The following ZNF85 variants were observed in gnomAD, a reference collection of about 807,000 sequenced individuals.
ZNF85 encodes the protein zinc finger protein 85 (HPF4, HTF1).
In ZNF85, 50 loss-of-function variants were observed where a neutral mutation model predicts 53.9. The ratio of observed to expected loss-of-function variants is 0.93; its 90% confidence interval spans 0.74 to 1.17. The LOEUF (loss-of-function observed/expected upper bound fraction) is 1.17. Among genes scored for constraint, ZNF85 ranks in the 50% most tolerant of loss-of-function variants. The probability of loss-of-function intolerance (pLI) is 0.00; values close to 1 mark genes in which losing one functional copy is unlikely to be tolerated. For synonymous variants in ZNF85, 225 were observed against 226.1 expected (o/e 1.00, Z 0.04); for missense variants, 747 against 688.5 (o/e 1.08, Z -0.95).
At chr19:20,943,102 T>A (rs1255604316) in intron 3 of ZNF85, 1 of 410,544 alleles carries the variant, frequency 2.4e-6, no homozygotes, top group African/African-American at 2.1e-5. Flanking sequence ...ATAAGATTTG[T>A]TATGTGTCCT....
chr19:20,933,902 C>A, intron 1 of ZNF85, 122 bp from the exon 2 acceptor site: 1 of 1,102,472 alleles, frequency 9.1e-7, no homozygotes, highest in South Asian at 2.2e-5. Flanking sequence ...TACCTGTACT[C>A]TCTCATTTCA....
chr19:20,931,930 A>C (rs369673253), intron 1 of ZNF85, among the ~76,000 whole-genome samples: 6 of 152,210 alleles, frequency 3.9e-5, no homozygotes, highest in African/African-American at 1.4e-4. Flanking sequence ...TCATTATTGT[A>C]GCAGAAATTG....
chr19:20,936,330 A>G (rs1417094758), intron 3 of ZNF85, among the ~76,000 whole-genome samples: 1 of 152,238 alleles, frequency 6.6e-6, no homozygotes, highest in African/African-American at 2.4e-5. Context: ...TTCCAGTGCT[A>G]TATTAAAATA....
At chr19:20,945,352 A>G (rs1354854497) in intron 3 of ZNF85, 4 of 152,200 alleles carry the variant, frequency 2.6e-5, no homozygotes, top group Non-Finnish European at 4.4e-5. Context: ...AACTGCTTTA[A>G]ATATCCTATA....
At chr19:20,942,869 G>C (rs771600349) in intron 3 of ZNF85, 1 of 695,430 alleles carries the variant, frequency 1.4e-6, no homozygotes, top group Non-Finnish European at 2.6e-6. Context: ...TCAACCTTCT[G>C]GGGTCAAGTG....
At chr19:20,932,815 G>A (rs1973055181) in intron 1 of ZNF85, among the ~76,000 whole-genome samples, 1 of 151,990 alleles carries the variant, frequency 6.6e-6, no homozygotes, top group East Asian at 1.9e-4. Flanking sequence ...ATTTTTTAAT[G>A]TTAAAATTCA....
rs760362642 is a variant in ZNF85, at chr19:20,949,943, A to C, written c.1429A>C (p.Thr477Pro). Residue 477 changes from threonine to proline, a missense_variant, in exon 4 of 4, where the codon ACA becomes CCA. By Grantham distance (38) the Thr-to-Pro change is conservative. Coordinates refer to ENST00000328178, the MANE Select transcript of ZNF85 (RefSeq NM_003429.5). The stretch of plus-strand genomic sequence containing the variant: ...TCTTACTAGACATAAGAAAAGTCAT[A>C]CAGAAGAGAAACCTTACAAATGTGA... The part of the protein sequence containing the change: ...SNLTRHKKSH[T>P]EEKPYKCEEC... 2 of 1,612,486 alleles carry C rather than the reference A, an allele frequency of 1.2e-6. No homozygotes were observed. The highest frequency in any genetic ancestry group is 1.7e-6 in the Non-Finnish European group (2 of 1,179,236).
chr19:20,946,798 A>G (rs988886747), intron 3 of ZNF85, among the ~76,000 whole-genome samples: 19 of 152,070 alleles, frequency 1.2e-4, no homozygotes, highest in Admixed American at 1.1e-3. Flanking sequence ...GTCTACTTCC[A>G]TCTTGCCACT....
At chr19:20,940,891 T>C (rs1049263835) in intron 3 of ZNF85, among the ~76,000 whole-genome samples, 1 of 152,234 alleles carries the variant, frequency 6.6e-6, no homozygotes, top group Non-Finnish European at 1.5e-5. Context: ...TTTTGATGTG[T>C]TTATAAATCA....
At position 20,942,898 on chromosome 19, in the gene ZNF85, C is replaced by T. The variant is rs1383652027; in HGVS notation, c.230-5846C>T. The T allele has an allele frequency of 8.8e-6, 6 of 682,348 alleles. No homozygotes were observed. In the Admixed American group the frequency reaches 1.1e-4, roughly 12 times the overall value. 42.3% of individuals were successfully genotyped at this position (682,348 alleles called of 1,614,324 possible). ...TCAAGTGATTGTTCCACCTCAGCCT[C>T]CCGAGTAGCTTGGACTACAGACATG... On this transcript the variant is annotated intron_variant, in intron 3 of 3. Coordinates refer to ENST00000328178, the MANE Select transcript of ZNF85 (RefSeq NM_003429.5).
chr19:20,929,115 T>G (rs1315084249), intron 1 of ZNF85, among the ~76,000 whole-genome samples: 1 of 151,920 alleles, frequency 6.6e-6, no homozygotes. Context: ...TTTTTTTTTT[T>G]GAGATAGAGT....
At chr19:20,941,243 A>ATT (rs997438663) in intron 3 of ZNF85, among the ~76,000 whole-genome samples, 1 of 152,076 alleles carries the variant, frequency 6.6e-6, no homozygotes, top group African/African-American at 2.4e-5. Flanking sequence ...TTCTCTACAA[A>ATT]TTAGTAATTT....
chr19:20,942,620 A>C (rs1599443003), intron 3 of ZNF85, among the ~76,000 whole-genome samples: 1 of 152,076 alleles, frequency 6.6e-6, no homozygotes, highest in African/African-American at 2.4e-5. Context: ...TGAAAAATTA[A>C]TTTTTTTGAA....
intron 1 of ZNF85, among the ~76,000 whole-genome samples, chr19:20,932,255 A>G (rs1973040926): frequency 6.6e-6 from 1 of 152,220 alleles, no homozygotes; most frequent in African/African-American, 2.4e-5. Flanking sequence ...AACATGTCTC[A>G]GATCAAGAGC....
In ZNF85 at chr19:20,950,340, C is replaced by A; in HGVS notation, c.*38C>A. 1 of 1,410,510 alleles carries A rather than the reference C, an allele frequency of 7.1e-7. No individual in the cohort carries two copies. The highest frequency in any genetic ancestry group is 9.5e-7 in the Non-Finnish European group (1 of 1,057,740). The allele number at this position is 1,410,510 out of a possible 1,614,324, so 87.4% of individuals were successfully genotyped here. ...AGCTTTAATCAATTTACAAGTCTTA[C>A]TAAACATAAGAAAATTTATACTGGA... is the stretch of plus-strand genomic sequence containing the variant. On this transcript the variant is annotated 3_prime_UTR_variant, in exon 4 of 4. Transcript: ENST00000328178.
At chr19:20,942,169 A>AT (rs61170980) in intron 3 of ZNF85, among the ~76,000 whole-genome samples, 15,253 of 146,272 alleles carry the variant, frequency 0.1, 865 homozygotes, top group Middle Eastern at 0.14. Context: ...ATTATTATTA[A>AT]TTTTTTTTTT....
intron 3 of ZNF85, among the ~76,000 whole-genome samples, chr19:20,941,852 G>A (rs1042286274): frequency 1.3e-5 from 2 of 152,122 alleles, no homozygotes; most frequent in Admixed American, 6.5e-5. Context: ...GTTTAATGTC[G>A]TATCTAGGAA....
intron 1 of ZNF85, among the ~76,000 whole-genome samples, chr19:20,924,085 C>G: frequency 1.0e-5 from 1 of 96,452 alleles, no homozygotes; most frequent in Non-Finnish European, 2.2e-5. Context: ...AACTCCGTCT[C>G]AAAAAAAAAA....
rs201551699 is a variant in ZNF85 at position 20,948,854 on chromosome 19, T to C, written c.340T>C (p.Leu114=). ...YGKCRHENLP[L]RKGCESMDEC... The stretch of plus-strand genomic sequence containing the variant: ...AAAATGTAGACATGAAAATTTACCA[T>C]TAAGAAAAGGCTGTGAAAGTATGGA... The change falls in exon 4 of 4, where the codon TTA becomes CTA. Residue 114 remains leucine (L), a synonymous_variant. Transcript: ENST00000328178. The C allele has an allele frequency of 8.1e-5, 131 of 1,612,932 alleles. No individual in the cohort carries two copies. Among genetic ancestry groups the C allele is most frequent in the Non-Finnish European group, 1.0e-4 (121 of 1,179,628 alleles).
Sources: gnomAD v4.1 joint callset for allele counts (sites outside exome capture counted in the v4.1 genomes callset) on GRCh38, gnomAD v4.1.1 for gene constraint, MANE v1.5 for transcripts, NCBI Gene and HGNC (gene_info 2026-07-23, HGNC 2026-07-21) for gene names.